BRPF1: variants seen among roughly 807,000 people sequenced by gnomAD.
The protein encoded by BRPF1 is peregrin.
Under a neutral mutation model 115.0 loss-of-function variants are expected in BRPF1, and 15 were observed. The observed-to-expected ratio is 0.13, with a 90% CI of 0.09 to 0.20. The LOEUF is 0.20. BRPF1 is among the 10% of genes least tolerant of loss of function. The pLI is 1.00. For synonymous variants in BRPF1, 647 were observed against 619.8 expected (o/e 1.04, Z -0.65); for missense variants, 1,118 against 1,638.3 (o/e 0.68, Z 5.48).
At position 9,741,455 on chromosome 3, in the gene BRPF1, C is replaced by T. The variant is rs1232343297; in HGVS notation, c.1854+16C>T. The T allele has an allele frequency of 2.6e-6, 4 of 1,555,376 alleles. No individual in the cohort carries two copies. Among genetic ancestry groups the T allele is most frequent in the Non-Finnish European group, 3.5e-6 (4 of 1,151,412 alleles). On this transcript the variant is annotated intron_variant, in intron 5 of 13. Coordinates refer to ENST00000383829, the MANE Select transcript of BRPF1 (RefSeq NM_001003694.2). ...AAGGGAGACGGTGAGTGCTCCTGGG[C>T]CAGCCCTATTTTATAAAAGAAAAAA...
chr3:9,743,261 A>G lies in BRPF1; in HGVS notation c.2311+8A>G, dbSNP rs773131071. 3 of 1,609,916 alleles carry G rather than the reference A, an allele frequency of 1.9e-6. No homozygotes were observed. In the South Asian group the frequency reaches 3.3e-5, roughly 18 times the overall value. ...CACACCACACTGAAGATGGTGGGTG[A>G]TATATCACACACACATATAAGAGGC... On this transcript the variant is annotated splice_region_variant and intron_variant, in intron 7 of 13. Transcript: ENST00000383829. This position sits in a 1 kb window ranked among gnomAD's most constrained non-coding sequence, Gnocchi z 6.1.
rs757624792 is a variant in BRPF1 at position 9,745,608 on chromosome 3, CCTT to C, written c.3107_3109del (p.Phe1036del). ...TCAAAACAAGGCCGGGGCAAACCCT[CCTT>C]CTCTCGGGGCACTTTCCCAGAGGAC... On this transcript the variant is annotated inframe_deletion, in exon 11 of 14. Coordinates refer to ENST00000383829, the MANE Select transcript of BRPF1 (RefSeq NM_001003694.2). The surrounding 1 kb of genome is among the most constrained non-coding windows in gnomAD (Gnocchi z 5.1). 14 of 1,614,174 alleles carry C rather than the reference CCTT, an allele frequency of 8.7e-6. No homozygotes were observed. In the East Asian group the frequency reaches 2.5e-4, roughly 28 times the overall value.
intron 2 of BRPF1, among the ~76,000 whole-genome samples, chr3:9,738,483 ACTAG>A (rs1280084764): frequency 1.3e-5 from 2 of 152,246 alleles, no homozygotes; most frequent in Non-Finnish European, 2.9e-5. Flanking sequence ...TGATGCTGAC[ACTAG>A]CTGAGAGAAG....
At position 9,743,430 on chromosome 3, in the gene BRPF1, G is replaced by A. The variant is rs998895194; in HGVS notation, c.2312-148G>A. The A allele has an allele frequency of 5.9e-5, 70 of 1,191,210 alleles. No homozygotes were observed. Among genetic ancestry groups the A allele is most frequent in the Non-Finnish European group, 8.1e-5 (69 of 853,294 alleles). 73.8% of individuals were successfully genotyped at this position (1,191,210 alleles called of 1,614,324 possible). On this transcript the variant is annotated intron_variant, in intron 7 of 13. Transcript: ENST00000383829. This position sits in a 1 kb window ranked among gnomAD's most constrained non-coding sequence, Gnocchi z 6.1. The stretch of plus-strand genomic sequence containing the variant: ...ACTGGGTGAATGGATAGCAGTGCCC[G>A]CCATTCCACATCTTGGTGCTGCTAT...
Position 9,745,579 on chromosome 3 carries a change from G to T in BRPF1, c.3075G>T (p.Thr1025=). ...SSAASDRTST[T]PSKQGRGKPS... Reference sequence around the variant, plus strand: ...CCCATTGTCTTGTCCACAGCACAACGCCCTCAAAACAAGGCCGGGGCAAAC... The same window carrying T: ...CCCATTGTCTTGTCCACAGCACAACTCCCTCAAAACAAGGCCGGGGCAAAC... The change falls in exon 11 of 14, where the codon ACG becomes ACT. Residue 1025 remains threonine (T), a synonymous_variant. Transcript: ENST00000383829. The surrounding 1 kb of genome is among the most constrained non-coding windows in gnomAD (Gnocchi z 5.1). 1.2e-6 allele frequency: 2 copies of T among 1,614,074 alleles called. No homozygotes were observed. The highest frequency in any genetic ancestry group is 2.2e-5 in the East Asian group (1 of 44,888).
rs943140109 is a variant in BRPF1 at position 9,743,622 on chromosome 3, C to G, written c.2356C>G (p.Leu786Val). 6.2e-7 allele frequency: 1 copy of G among 1,613,834 alleles called. No individual in the cohort carries two copies. The highest frequency in any genetic ancestry group is 1.1e-5 in the South Asian group (1 of 91,082). ...RLVLLENQKH[L>V]PVEEQLKLLL... ...GGTCTTGCTGGAGAACCAGAAGCAC[C>G]TGCCAGTGGAAGAACAGCTAAAGCT... is the stretch of plus-strand genomic sequence containing the variant. The change falls in exon 8 of 14, where the codon CTG (leucine) becomes GTG (valine). Residue 786 changes from leucine to valine, a missense_variant. Physicochemically the swap from Leu to Val is conservative, Grantham distance 32. Around this residue, in one of 10 missense-constraint regions of BRPF1, gnomAD observed 223 missense variants for 240.7 expected, o/e 0.93. Coordinates refer to ENST00000383829, the MANE Select transcript of BRPF1 (RefSeq NM_001003694.2). The surrounding 1 kb of genome is among the most constrained non-coding windows in gnomAD (Gnocchi z 6.1).
intron 4 of BRPF1, 106 bp downstream of exon 4, chr3:9,741,047 CCTT>C: frequency 7.9e-7 from 1 of 1,273,534 alleles, no homozygotes; most frequent in South Asian, 1.4e-5. Context: ...ACTCTTTCCT[CCTT>C]TAAGCTAGCC....
Position 9,744,501 on chromosome 3 carries a change from C to T in BRPF1, c.2913C>T (p.Pro971=), listed in dbSNP as rs758695161. The change falls in exon 9 of 14, where the codon CCC becomes CCT. Residue 971 remains proline (P), a synonymous_variant. Transcript: ENST00000383829. ...DSDSDKSTED[P]PMDLPANGFS... ...ACAGTGATAAGTCCACAGAAGACCC[C>T]CCAATGGGTGAGCCTTACCATCACC... 1.3e-6 allele frequency: 2 copies of T among 1,520,540 alleles called. No homozygotes were observed. The highest frequency in any genetic ancestry group is 1.8e-6 in the Non-Finnish European group (2 of 1,135,220). 94.2% of individuals were successfully genotyped at this position (1,520,540 alleles called of 1,614,324 possible). A position where few individuals can be genotyped will look rare whatever the true frequency, so the allele number is the denominator to read the frequency against.
In BRPF1 at chr3:9,743,996, TC is replaced by T. The variant is rs1026943240; in HGVS notation, c.2635+97del. 4.7e-5 allele frequency: 66 copies of T among 1,406,912 alleles called. No homozygotes were observed. The highest frequency in any genetic ancestry group is 6.2e-5 in the Non-Finnish European group (65 of 1,049,284). The allele number at this position is 1,406,912 out of a possible 1,614,324, so 87.2% of individuals were successfully genotyped here. A position where few individuals can be genotyped will look rare whatever the true frequency, so the allele number is the denominator to read the frequency against. ...CTGCCATTCCCCAGGCAGAGGTCCC[TC>T]CTACACAGCTAGCTGTACTTTCTCC... On this transcript the variant is annotated intron_variant, in intron 8 of 13. Coordinates refer to ENST00000383829, the MANE Select transcript of BRPF1 (RefSeq NM_001003694.2). The surrounding 1 kb of genome is among the most constrained non-coding windows in gnomAD (Gnocchi z 6.1).
chr3:9,744,529 G>GC (rs2077089663), intron 9 of BRPF1, 21 bp downstream of exon 9: 6 of 1,484,104 alleles, frequency 4.0e-6, no homozygotes, highest in East Asian at 2.4e-5. Flanking sequence ...CCATCACCCA[G>GC]CCCCCCAAGA....
Position 9,731,739 on chromosome 3 carries a change from T to G in BRPF1, c.-410T>G, listed in dbSNP as rs1245084630. The G allele has an allele frequency of 1.3e-5, 2 of 154,066 alleles. No individual in the cohort carries two copies. The highest frequency in any genetic ancestry group is 2.9e-5 in the Non-Finnish European group (2 of 69,274). The allele number at this position is 154,066 out of a possible 1,614,324, so 9.5% of individuals were successfully genotyped here. A position where few individuals can be genotyped will look rare whatever the true frequency, so the allele number is the denominator to read the frequency against. ...TAGCGCCGCGGCGCCACGTTTACCC[T>G]GCGCAGACGCCGTCGCCGCCGCTGC... is the stretch of plus-strand genomic sequence containing the variant. On this transcript the variant is annotated 5_prime_UTR_variant, in exon 1 of 14. Transcript: ENST00000383829.
At position 9,745,557 on chromosome 3, in the gene BRPF1, A is replaced by G. The variant is rs1244903967; in HGVS notation, c.3069-16A>G. On this transcript the variant is annotated splice_polypyrimidine_tract_variant and intron_variant, in intron 10 of 13. Transcript: ENST00000383829. The surrounding 1 kb of genome is among the most constrained non-coding windows in gnomAD (Gnocchi z 5.1). Reference sequence around the variant, plus strand: ...TTCCCCTCCTTTGAGCTGAGCTCCCATTGTCTTGTCCACAGCACAACGCCC... The same window carrying G: ...TTCCCCTCCTTTGAGCTGAGCTCCCGTTGTCTTGTCCACAGCACAACGCCC... 11 of 1,613,060 alleles carry G rather than the reference A, an allele frequency of 6.8e-6. No individual in the cohort carries two copies. The East Asian group carries it at 2.0e-4, about 29-fold the overall frequency.
chr3:9,741,912 G>C, intron 5 of BRPF1, 113 bp from the exon 6 acceptor site: 1 of 1,229,838 alleles, frequency 8.1e-7, no homozygotes, highest in Non-Finnish European at 1.1e-6. Flanking sequence ...AGTACACCCA[G>C]CTGTGAGGGT....
rs1369709110 is a variant in BRPF1, at chr3:9,740,859, A to G, written c.1640A>G (p.Lys547Arg). Residue 547 changes from lysine (K) to arginine (R), a missense_variant, in exon 4 of 14, where the codon AAG (lysine) becomes AGG (arginine). Physicochemically the swap from Lys to Arg is conservative, Grantham distance 26 (BLOSUM62 2). Transcript: ENST00000383829. ...AGGCTGCACAGCTACTGGACACTGAAGCGGCAGTCACGGAATGGGGTCCCA... is the reference window on the plus strand; with the variant it reads ...AGGCTGCACAGCTACTGGACACTGAGGCGGCAGTCACGGAATGGGGTCCCA... Reference protein sequence around the residue: ...MQRLHSYWTLKRQSRNGVPLL... With the variant: ...MQRLHSYWTLRRQSRNGVPLL... The G allele has an allele frequency of 6.2e-7, 1 of 1,614,180 alleles. No individual in the cohort carries two copies.
chr3:9,739,423 C>T lies in BRPF1; in HGVS notation c.1024C>T (p.Gln342Ter). ...CCCCAACAAGGGCGGTGCCTTCAAG[C>T]AGACAGATGACGGGCGCTGGGCCCA... ...LCPNKGGAFKQTDDGRWAHVV... is the reference protein window; with the variant it reads ...LCPNKGGAFK The change falls in exon 3 of 14, where the codon CAG (glutamine) becomes TAG (stop). Residue 342 changes from glutamine to a stop codon, truncating the protein, a stop_gained. Coordinates refer to ENST00000383829, the MANE Select transcript of BRPF1 (RefSeq NM_001003694.2). LOFTEE classifies it high-confidence loss of function. 6.2e-7 allele frequency: 1 copy of T among 1,614,208 alleles called. No individual in the cohort carries two copies.
In BRPF1 at chr3:9,739,149, C is replaced by G; in HGVS notation, c.750C>G (p.Asp250Glu). 1 of 1,613,990 alleles carries G rather than the reference C, an allele frequency of 6.2e-7. No homozygotes were observed. The highest frequency in any genetic ancestry group is 8.5e-7 in the Non-Finnish European group (1 of 1,179,930). Reference sequence around the variant, plus strand: ...AGGAGATCTTTGAGTACCTAATGGACCGACTGGAGAAGGAGTCGTACTTTG... The same window carrying G: ...AGGAGATCTTTGAGTACCTAATGGAGCGACTGGAGAAGGAGTCGTACTTTG... ...IPQEIFEYLM[D>E]RLEKESYFES... The change falls in exon 3 of 14, where the codon GAC becomes GAG. Residue 250 changes from aspartate (D) to glutamate (E), a missense_variant. By Grantham distance (45) the Asp-to-Glu change is conservative. Around this residue, in one of 10 missense-constraint regions of BRPF1, gnomAD observed 280 missense variants for 382.8 expected, o/e 0.73. Transcript: ENST00000383829.
At chr3:9,737,082 A>G (rs910767413) in intron 2 of BRPF1, among the ~76,000 whole-genome samples, 1 of 152,224 alleles carries the variant, frequency 6.6e-6, no homozygotes, top group African/African-American at 2.4e-5. Flanking sequence ...TCCATGAGTC[A>G]TACCCTTGTT....
At chr3:9,737,044 C>T (rs946963035) in intron 2 of BRPF1, among the ~76,000 whole-genome samples, 12 of 152,128 alleles carry the variant, frequency 7.9e-5, no homozygotes, top group African/African-American at 2.9e-4. Flanking sequence ...GGTGCCAAGG[C>T]CTGGAAGAAG....
rs1465636161 is a variant in BRPF1 at position 9,744,283 on chromosome 3, C to T, written c.2695C>T (p.Leu899=). 1.9e-6 allele frequency: 3 copies of T among 1,610,396 alleles called. No individual in the cohort carries two copies. The highest frequency in any genetic ancestry group is 2.5e-6 in the Non-Finnish European group (3 of 1,178,068). The change falls in exon 9 of 14, where the codon CTG becomes TTG. Residue 899 remains leucine (L), a synonymous_variant. Transcript: ENST00000383829. ...TGAGGTGGGCAGGAGAACCTCAGTT[C>T]TGTTCTCCAAAAAGAACCCGAAGAC... ...AHEVGRRTSV[L]FSKKNPKTAG... is the part of the protein sequence containing the mutation.
Sources: allele counts gnomAD v4.1 joint callset (sites outside exome capture counted in the v4.1 genomes callset), GRCh38; gene constraint gnomAD v4.1.1; regional missense constraint gnomAD v4.1.1; non-coding constraint Gnocchi (gnomAD v3.1); transcripts MANE v1.5; gene names NCBI Gene and HGNC (gene_info 2026-07-23, HGNC 2026-07-21).